AGO4: variants seen among roughly 807,000 people sequenced by gnomAD.
AGO4 encodes the protein protein argonaute-4.
A neutral mutation model predicts 104.7 loss-of-function variants in AGO4; 33 were observed. That is an observed-to-expected ratio of 0.32 (90% CI 0.24 to 0.42). The LOEUF (loss-of-function observed/expected upper bound fraction) is 0.42, where lower values mean the gene tolerates loss of function less well. Ranked by LOEUF, AGO4 falls within the 10% of genes least tolerant of loss-of-function variation. The pLI is 1.00. For synonymous variants in AGO4, 331 were observed against 364.7 expected, an observed-to-expected ratio of 0.91 and a Z score of 1.05; for missense variants, 711 against 1,083.4, an observed-to-expected ratio of 0.66 and a Z score of 4.83.
At chr1:35,835,373 T>A (rs1215729938) in intron 12 of AGO4, among the ~76,000 whole-genome samples, 1 of 152,140 alleles carries the variant, frequency 6.6e-6, no homozygotes. Flanking sequence ...TTAAACTTTA[T>A]AAAATGTCTT....
chr1:35,822,210 C>T (rs969995986), intron 2 of AGO4, among the ~76,000 whole-genome samples: 3 of 150,854 alleles, frequency 2.0e-5, no homozygotes, highest in Admixed American at 6.6e-5. Flanking sequence ...AACTTATCAT[C>T]GTTCAGTGAT....
At chr1:35,844,971 C>T (rs565480502) in intron 15 of AGO4, among the ~76,000 whole-genome samples, 1 of 152,178 alleles carries the variant, frequency 6.6e-6, no homozygotes, top group Non-Finnish European at 1.5e-5. Context: ...AAGTTGTTGT[C>T]TCAATGACTT....
Position 35,825,755 on chromosome 1 carries a change from T to A in AGO4, c.565T>A (p.Trp189Arg). 1.3e-6 allele frequency: 2 copies of A among 1,597,762 alleles called. No individual in the cohort carries two copies. The highest frequency in any genetic ancestry group is 1.7e-6 in the Non-Finnish European group (2 of 1,174,306). ...CCCTCTGGGAGGGGGCAGGGAGGTC[T>A]GGTTTGGTTTTCATCAGTCTGTGAG... ...YHPLGGGREVWFGFHQSVRPA... is the reference protein window; with the variant it reads ...YHPLGGGREVRFGFHQSVRPA... The change falls in exon 5 of 18, where the codon TGG becomes AGG. Residue 189 changes from tryptophan to arginine, a missense_variant. This residue lies in a region of AGO4 where 308 missense variants were observed against 397.8 expected (regional missense o/e 0.77). Transcript: ENST00000373210.
upstream of AGO4, among the ~76,000 whole-genome samples, chr1:35,807,747 A>T (rs1643341643): frequency 6.6e-6 from 1 of 152,148 alleles, no homozygotes; most frequent in Non-Finnish European, 1.5e-5. Flanking sequence ...ACGAGATGAC[A>T]GAAGCGATCT....
chr1:35,815,687 C>T (rs1335421636), intron 1 of AGO4, among the ~76,000 whole-genome samples: 1 of 152,176 alleles, frequency 6.6e-6, no homozygotes, highest in Non-Finnish European at 1.5e-5. Context: ...ACCTCTTTCT[C>T]AGCACTATTG....
chr1:35,827,746 A>G (rs1644061858), intron 7 of AGO4, among the ~76,000 whole-genome samples: 1 of 148,304 alleles, frequency 6.7e-6, no homozygotes, highest in Non-Finnish European at 1.5e-5. Flanking sequence ...TTATTTAATG[A>G]TGCAGAGTCA....
intron 7 of AGO4, among the ~76,000 whole-genome samples, chr1:35,829,024 C>T (rs922290616): frequency 3.4e-5 from 5 of 148,204 alleles, no homozygotes; most frequent in African/African-American, 1.2e-4. Flanking sequence ...ACTCAGAGCC[C>T]CCCCCCCCAC....
At chr1:35,813,499 G>T (rs554901236) in intron 1 of AGO4, among the ~76,000 whole-genome samples, 1 of 152,020 alleles carries the variant, frequency 6.6e-6, no homozygotes, top group Non-Finnish European at 1.5e-5. Context: ...GCTCATGACT[G>T]TAATCCCAGC....
chr1:35,849,686 CAAAA>C (rs58930702), intron 15 of AGO4, among the ~76,000 whole-genome samples: 6 of 74,040 alleles, frequency 8.1e-5, no homozygotes, highest in African/African-American at 1.5e-4. Flanking sequence ...GACGCTGTCT[CAAAA>C]AAAAAAAAAA....
At chr1:35,849,519 A>G (rs959347404) in intron 15 of AGO4, among the ~76,000 whole-genome samples, 3 of 106,460 alleles carry the variant, frequency 2.8e-5, no homozygotes, top group South Asian at 2.9e-4. Flanking sequence ...CCCGTGTCTC[A>G]AAAAAAAAAA....
At position 35,854,356 on chromosome 1, in the gene AGO4, A is replaced by G. The variant is rs1185249913; in HGVS notation, c.*751A>G. The G allele has an allele frequency of 6.6e-6, 1 of 152,618 alleles. No individual in the cohort carries two copies. Among genetic ancestry groups the G allele is most frequent in the Non-Finnish European group, 1.5e-5 (1 of 68,038 alleles). The allele number at this position is 152,618 out of a possible 1,614,324, so 9.5% of individuals were successfully genotyped here. Reference sequence around the variant, plus strand: ...TAACACTGCCATGATAAAAGTACTCATGTTTCCCCTATTTGGAAAAAAAAA... The same window carrying G: ...TAACACTGCCATGATAAAAGTACTCGTGTTTCCCCTATTTGGAAAAAAAAA... On this transcript the variant is annotated 3_prime_UTR_variant, in exon 18 of 18. Coordinates refer to ENST00000373210, the MANE Select transcript of AGO4 (RefSeq NM_017629.4).
chr1:35,829,742 G>A (rs983774341), intron 7 of AGO4, among the ~76,000 whole-genome samples: 11 of 151,336 alleles, frequency 7.3e-5, no homozygotes, highest in Non-Finnish European at 1.2e-4. Context: ...CCAGGTACTC[G>A]GGAGGCTGAG....
rs1644825901 is a variant in AGO4, at chr1:35,856,816, T to G, written c.*3211T>G. The G allele has an allele frequency of 1.9e-5, 1 of 52,904 alleles. No homozygotes were observed. Among genetic ancestry groups the G allele is most frequent in the Non-Finnish European group, 3.4e-5 (1 of 29,434 alleles). The allele number at this position is 52,904 out of a possible 1,614,324, so 3.3% of individuals were successfully genotyped here. On this transcript the variant is annotated 3_prime_UTR_variant, in exon 18 of 18. Transcript: ENST00000373210. Reference sequence around the variant, plus strand: ...CCTGGGCAACAAGAGCGAAACTCTGTCTCAAAAAAAAAAAGGGGGGGGGGG... The same window carrying G: ...CCTGGGCAACAAGAGCGAAACTCTGGCTCAAAAAAAAAAAGGGGGGGGGGG...
chr1:35,814,245 A>G (rs556979575), intron 1 of AGO4, among the ~76,000 whole-genome samples: 1 of 152,318 alleles, frequency 6.6e-6, no homozygotes, highest in Non-Finnish European at 1.5e-5. Flanking sequence ...ACATTTATTG[A>G]ATTCTTATAA....
At chr1:35,830,442 T>G (rs1644153690) in intron 7 of AGO4, among the ~76,000 whole-genome samples, 1 of 152,220 alleles carries the variant, frequency 6.6e-6, no homozygotes, top group Non-Finnish European at 1.5e-5. Flanking sequence ...TTTATGTTAA[T>G]TTGAAGCCAG....
rs1386488645 is a variant in AGO4, at chr1:35,830,593, A to G, written c.849-834A>G. The stretch of plus-strand genomic sequence containing the variant: ...TTAATTTAAAAAAATTTCTCATCCA[A>G]GCTTTAACCAACATGGAAAATTTCA... On this transcript the variant is annotated intron_variant, in intron 7 of 17. Coordinates refer to ENST00000373210, the MANE Select transcript of AGO4 (RefSeq NM_017629.4). Among the ~76,000 whole-genome samples the G allele has an allele frequency of 2.6e-5, 4 of 152,322 alleles. No homozygotes were observed. In the South Asian group the frequency reaches 6.2e-4, roughly 24 times the overall value.
At chr1:35,824,837 C>A (rs1405653652) in intron 3 of AGO4, among the ~76,000 whole-genome samples, 1 of 152,140 alleles carries the variant, frequency 6.6e-6, no homozygotes, top group Non-Finnish European at 1.5e-5. Context: ...AGTTTAATGG[C>A]ATTATGTATG....
rs539449101 is a variant in AGO4, at chr1:35,855,728, T to C, written c.*2123T>C. 2.6e-5 allele frequency: 4 copies of C among 152,000 alleles called. No individual in the cohort carries two copies. Among genetic ancestry groups the C allele is most frequent in the African/African-American group, 9.7e-5 (4 of 41,366 alleles). 9.4% of individuals were successfully genotyped at this position (152,000 alleles called of 1,614,324 possible). A position where few individuals can be genotyped will look rare whatever the true frequency, so the allele number is the denominator to read the frequency against. On this transcript the variant is annotated 3_prime_UTR_variant, in exon 18 of 18. Coordinates refer to ENST00000373210, the MANE Select transcript of AGO4 (RefSeq NM_017629.4). ...ACATGTTGGTGAGGGGCTGGCTGCT[T>C]GGCTGCTGCTTTTATTCACACTTGT...
chr1:35,843,409 T>C (rs534828033), intron 15 of AGO4, among the ~76,000 whole-genome samples: 53 of 152,140 alleles, frequency 3.5e-4, no homozygotes, highest in Non-Finnish European at 6.5e-4. Context: ...TGTTTTCTCA[T>C]TGGGCCCCAG....
Sources: allele counts gnomAD v4.1 joint callset (sites outside exome capture counted in the v4.1 genomes callset), GRCh38; gene constraint gnomAD v4.1.1; regional missense constraint gnomAD v4.1.1; transcripts MANE v1.5; gene names NCBI Gene and HGNC (gene_info 2026-07-23, HGNC 2026-07-21).